The following MTMR6 variants were observed in gnomAD, a reference collection of about 807,000 sequenced individuals.
The protein encoded by MTMR6 is phosphatidylinositol-3,5-bisphosphate 3-phosphatase MTMR6.
A neutral mutation model predicts 80.1 loss-of-function variants in MTMR6; 47 were observed. That is an observed-to-expected ratio of 0.59 (90% CI 0.46 to 0.75). The LOEUF is 0.75. MTMR6 is among the 30% of genes least tolerant of loss of function. The probability of loss-of-function intolerance (pLI) is 0.00; values close to 1 mark genes in which losing one functional copy is unlikely to be tolerated. For synonymous variants in MTMR6, 254 were observed against 253.0 expected (o/e 1.00, Z -0.04); for missense variants, 629 against 730.9 (o/e 0.86, Z 1.61).
chr13:25,275,881 G>GGGAGA (rs1957711989), intron 1 of MTMR6, among the ~76,000 whole-genome samples: 1 of 133,010 alleles, frequency 7.5e-6, no homozygotes, highest in Non-Finnish European at 1.6e-5. Context: ...GGGAGGGGAG[G>GGGAGA]GGAGGGGAGG....
chr13:25,267,680 CA>C, intron 3 of MTMR6, 98 bp downstream of exon 3: 2 of 1,261,070 alleles, frequency 1.6e-6, no homozygotes, highest in Non-Finnish European at 2.2e-6. Flanking sequence ...ACTGTCAGAG[CA>C]AAAAAGGATA....
chr13:25,262,921 C>T (rs901937560), intron 5 of MTMR6, among the ~76,000 whole-genome samples: 12 of 152,202 alleles, frequency 7.9e-5, no homozygotes, highest in Non-Finnish European at 1.3e-4. Context: ...ACAATGTTTA[C>T]ACATATGGCT....
At chr13:25,262,550 T>A (rs950313220) in intron 5 of MTMR6, among the ~76,000 whole-genome samples, 10 of 152,174 alleles carry the variant, frequency 6.6e-5, no homozygotes, top group Non-Finnish European at 7.3e-5. Flanking sequence ...GTATTTTTTG[T>A]TAAGATGGGT....
chr13:25,261,870 G>GA, intron 5 of MTMR6, 68 bp from the exon 6 acceptor site: 33 of 1,419,778 alleles, frequency 2.3e-5, no homozygotes, highest in South Asian at 9.1e-5. Context: ...ATGCTTACAA[G>GA]AAAAAAAAGC....
intron 9 of MTMR6, 81 bp downstream of exon 9, chr13:25,257,115 C>T (rs1957226332): frequency 2.1e-6 from 3 of 1,417,250 alleles, no homozygotes; most frequent in Non-Finnish European, 2.9e-6. Context: ...AAAACTGTCT[C>T]CAACATTGCC....
chr13:25,256,131 C>T (rs1050397228), intron 9 of MTMR6, among the ~76,000 whole-genome samples: 2 of 152,186 alleles, frequency 1.3e-5, no homozygotes, highest in South Asian at 2.1e-4. Context: ...TATTCCTCTG[C>T]CTCCAAGCCC....
intron 11 of MTMR6, 58 bp downstream of exon 11, chr13:25,253,706 T>C (rs1957133452): frequency 7.1e-7 from 1 of 1,404,748 alleles, no homozygotes. Flanking sequence ...AACATGATTT[T>C]TGTTAGACCT....
chr13:25,274,933 T>C (rs924925276), intron 1 of MTMR6, among the ~76,000 whole-genome samples: 1 of 124,584 alleles, frequency 8.0e-6, no homozygotes, highest in African/African-American at 3.3e-5. Context: ...TGAATACTAG[T>C]AGACAGACAC....
In MTMR6 at chr13:25,279,839, GA is replaced by G. The variant is rs577270888; in HGVS notation, c.25-5653del. ...TCTCAATAGCAGAGGTTTATCTGAT[GA>G]AAAAAAAACCATATGTTAAGGTACA... is the stretch of plus-strand genomic sequence containing the variant. On this transcript the variant is annotated intron_variant, in intron 1 of 13. Coordinates refer to ENST00000381801, the MANE Select transcript of MTMR6 (RefSeq NM_004685.5). Among the ~76,000 whole-genome samples the G allele has an allele frequency of 3.3e-3, 494 of 150,618 alleles. 6 individuals are homozygous for G. Among genetic ancestry groups the G allele is most frequent in the African/African-American group, 0.011 (465 of 41,026 alleles).
chr13:25,286,654 G>T (rs1023626545), intron 1 of MTMR6, among the ~76,000 whole-genome samples: 6 of 152,072 alleles, frequency 3.9e-5, no homozygotes, highest in African/African-American at 1.2e-4. Flanking sequence ...CAGAACTCTT[G>T]ACTACTGACA....
At position 25,246,440 on chromosome 13, in the gene MTMR6, T is replaced by C. The variant is rs920861548; in HGVS notation, c.*2792A>G. On this transcript the variant is annotated 3_prime_UTR_variant, in exon 14 of 14. Coordinates refer to ENST00000381801, the MANE Select transcript of MTMR6 (RefSeq NM_004685.5). ...TCTTTAATTAATCAAAGTATGTTAA[T>C]GTCACTTGGAATTCTACATGGAAAA... The C allele has an allele frequency of 9.2e-5, 14 of 152,708 alleles. No homozygotes were observed. In the East Asian group the frequency reaches 1.3e-3, roughly 15 times the overall value. 9.5% of individuals were successfully genotyped at this position (152,708 alleles called of 1,614,324 possible).
Position 25,248,855 on chromosome 13 carries a change from A to G in MTMR6, c.*377T>C, listed in dbSNP as rs560647358. ...CTACATAATTGAAAGTACATGCCAT[A>G]TCATTTATTAAGAAACTATGTTGTC... On this transcript the variant is annotated 3_prime_UTR_variant, in exon 14 of 14. Coordinates refer to ENST00000381801, the MANE Select transcript of MTMR6 (RefSeq NM_004685.5). The G allele has an allele frequency of 6.1e-6, 1 of 165,076 alleles. No individual in the cohort carries two copies. Among genetic ancestry groups the G allele is most frequent in the East Asian group, 1.8e-4 (1 of 5,686 alleles). The allele number at this position is 165,076 out of a possible 1,614,324, so 10.2% of individuals were successfully genotyped here.
chr13:25,268,971 G>A (rs558203639), intron 2 of MTMR6, among the ~76,000 whole-genome samples: 1 of 152,298 alleles, frequency 6.6e-6, no homozygotes, highest in East Asian at 1.9e-4. Context: ...GTAGAGCAAA[G>A]TTGTGGACAT....
chr13:25,279,612 T>C (rs1231210098), intron 1 of MTMR6, among the ~76,000 whole-genome samples: 1 of 152,224 alleles, frequency 6.6e-6, no homozygotes, highest in Non-Finnish European at 1.5e-5. Context: ...GTCCTCTATG[T>C]CAAGCTACTA....
intron 9 of MTMR6, 121 bp downstream of exon 9, chr13:25,257,075 G>A (rs941044672): frequency 4.6e-6 from 5 of 1,092,358 alleles, no homozygotes; most frequent in Admixed American, 3.0e-5. Flanking sequence ...CCACTCCCAC[G>A]GATGCCAGTC....
chr13:25,269,766 T>A (rs1957530343), intron 2 of MTMR6, among the ~76,000 whole-genome samples: 1 of 151,914 alleles, frequency 6.6e-6, no homozygotes, highest in Non-Finnish European at 1.5e-5. Context: ...TGAAAAACAA[T>A]GAGAGAAGCA....
At chr13:25,252,700 G>C (rs1187142310) in intron 11 of MTMR6, among the ~76,000 whole-genome samples, 1 of 151,100 alleles carries the variant, frequency 6.6e-6, no homozygotes, top group Non-Finnish European at 1.5e-5. Context: ...CACTAATTAA[G>C]AATAGTTTTT....
chr13:25,253,599 G>T (rs566150345), intron 11 of MTMR6, among the ~76,000 whole-genome samples, 165 bp downstream of exon 11: 1 of 152,212 alleles, frequency 6.6e-6, no homozygotes, highest in East Asian at 1.9e-4. Context: ...TAGCTGAAAG[G>T]TGGGGGAATA....
rs574291724 is a variant in MTMR6 at position 25,271,904 on chromosome 13, T to G, written c.141+2167A>C. 2.0e-5 allele frequency among the ~76,000 whole-genome samples: 3 copies of G among 152,284 alleles called. No individual in the cohort carries two copies. In the South Asian group the frequency reaches 6.2e-4, roughly 32 times the overall value. ...GCCATGGCAATTTTGAAGAACAAGT[T>G]GGGAGGGTATGCTCTACTTGATATC... On this transcript the variant is annotated intron_variant, in intron 2 of 13. Transcript: ENST00000381801.
Sources: allele counts gnomAD v4.1 joint callset (sites outside exome capture counted in the v4.1 genomes callset), GRCh38; gene constraint gnomAD v4.1.1; transcripts MANE v1.5; gene names NCBI Gene and HGNC (gene_info 2026-07-23, HGNC 2026-07-21).